Variants in EML5 observed in about 807,000 individuals in gnomAD.
EML5 encodes the protein EMAP like 5, also known as echinoderm microtubule-associated protein-like 5.
EML5 carries 120 observed loss-of-function variants against 250.0 expected under a neutral mutation model. The ratio of observed to expected loss-of-function variants is 0.48; its 90% CI spans 0.41 to 0.56. EML5 has a LOEUF of 0.56. Ranked by LOEUF, EML5 falls within the 20% of genes least tolerant of loss-of-function variation. The probability of loss-of-function intolerance (pLI) is 0.00; values close to 1 mark genes in which losing one functional copy is unlikely to be tolerated. For synonymous variants in EML5, 771 were observed against 806.5 expected (o/e 0.96, Z 0.75); for missense variants, 2,006 against 2,437.6 (o/e 0.82, Z 3.73).
Position 88,621,245 on chromosome 14 carries a change from A to G in EML5, c.5070T>C (p.Asn1690=). 1 of 1,613,888 alleles carries G rather than the reference A, an allele frequency of 6.2e-7. No individual in the cohort carries two copies. The highest frequency in any genetic ancestry group is 1.1e-5 in the South Asian group (1 of 91,084). Residue 1690 remains asparagine, a synonymous_variant, in exon 38 of 44, where the codon AAT becomes AAC. Transcript: ENST00000554922. ...NAEIIEVGEK[N]AACNILVNGH... is the part of the protein sequence containing the mutation. ...CGTTAACTAAAATATTACAAGCTGCATTTTTCTCTCCAACTTCGATTATTT... is the reference window on the plus strand; with the variant it reads ...CGTTAACTAAAATATTACAAGCTGCGTTTTTCTCTCCAACTTCGATTATTT...
intron 1 of EML5, among the ~76,000 whole-genome samples, chr14:88,774,348 G>T (rs182867906): frequency 4.1e-4 from 62 of 152,244 alleles, no homozygotes; most frequent in Admixed American, 8.5e-4. Context: ...AAGTAAAGCA[G>T]AAACTGCTGG....
intron 1 of EML5, among the ~76,000 whole-genome samples, chr14:88,760,304 TTTGAG>T (rs1387163950): frequency 1.3e-5 from 2 of 151,984 alleles, no homozygotes; most frequent in Non-Finnish European, 2.9e-5. Flanking sequence ...TACAATCTAT[TTTGAG>T]TTAATTTTTG....
rs1367492177 is a variant in EML5, at chr14:88,681,942, T to C, written c.3072A>G (p.Ile1024Met). 1 of 1,613,552 alleles carries C rather than the reference T, an allele frequency of 6.2e-7. No homozygotes were observed. The highest frequency in any genetic ancestry group is 8.5e-7 in the Non-Finnish European group (1 of 1,179,722). The change falls in exon 21 of 44, where the codon ATA becomes ATG. Residue 1024 changes from isoleucine to methionine, a missense_variant. This residue lies in a region of EML5 where 1,375 missense variants were observed against 1,590.3 expected (regional missense o/e 0.86). Coordinates refer to ENST00000554922, the MANE Select transcript of EML5 (RefSeq NM_183387.3). ...ATVSDDKTLR[I>M]WDLSPSHCML... ...TACAATGACTAGGTGAGAGATCCCA[T>C]ATTCTTAAGGTTTTATCATCGCTTA...
chr14:88,644,811 A>G (rs1457868560), intron 29 of EML5: 2 of 200,066 alleles, frequency 1.0e-5, no homozygotes, highest in Admixed American at 1.1e-4. Context: ...CCTGGATTCA[A>G]GCGATTCTCC....
At chr14:88,742,601 C>G (rs904945212) in intron 4 of EML5, among the ~76,000 whole-genome samples, 1 of 152,006 alleles carries the variant, frequency 6.6e-6, no homozygotes, top group Non-Finnish European at 1.5e-5. Flanking sequence ...AGTAAGATCT[C>G]CTTATTCATA....
chr14:88,704,868 A>G lies in EML5; in HGVS notation c.2043T>C (p.Phe681=), dbSNP rs769491754. ...AGATAGTTGTTTTATACCCGTGAAC[A>G]AAGTGTAATCGAATACTATTTCCTG... The part of the protein sequence containing the change: ...RAPGNSIRLH[F]VHGYRGYDCR... Residue 681 remains phenylalanine, a synonymous_variant, in exon 13 of 44, where the codon TTT becomes TTC. Coordinates refer to ENST00000554922, the MANE Select transcript of EML5 (RefSeq NM_183387.3). The G allele has an allele frequency of 1.9e-6, 3 of 1,611,802 alleles. No homozygotes were observed. In the African/African-American group the frequency reaches 4.0e-5, roughly 22 times the overall value.
At chr14:88,641,191 G>T (rs778195698) in intron 31 of EML5, among the ~76,000 whole-genome samples, 1 of 152,026 alleles carries the variant, frequency 6.6e-6, no homozygotes, top group Non-Finnish European at 1.5e-5. Flanking sequence ...ACAAAGAAAA[G>T]CTGGTGCCAA....
chr14:88,632,943 G>A (rs908310373), intron 33 of EML5, among the ~76,000 whole-genome samples: 1 of 152,184 alleles, frequency 6.6e-6, no homozygotes, highest in African/African-American at 2.4e-5. Context: ...TGGCATGAGG[G>A]TGTTGGAGAG....
rs143781118 is a variant in EML5 at position 88,672,354 on chromosome 14, A to G, written c.3125-6865T>C. Among the ~76,000 whole-genome samples, 460 of 152,302 alleles carry G rather than the reference A, an allele frequency of 3.0e-3. 3 individuals carry two copies. Among genetic ancestry groups the G allele is most frequent in the African/African-American group, 0.011 (446 of 41,558 alleles). ...AAGAAGTCCTTTGAAACCAATAAGA[A>G]CATGGAGACAAGATACCAGAATCTC... On this transcript the variant is annotated intron_variant, in intron 21 of 43. Coordinates refer to ENST00000554922, the MANE Select transcript of EML5 (RefSeq NM_183387.3).
chr14:88,674,348 T>G (rs897545658), intron 21 of EML5, among the ~76,000 whole-genome samples: 1 of 152,156 alleles, frequency 6.6e-6, no homozygotes, highest in Admixed American at 6.5e-5. Flanking sequence ...TGACTCACAG[T>G]TCTGTATTTC....
In EML5 at chr14:88,705,555, T is replaced by C; in HGVS notation, c.1859A>G (p.Asp620Gly). The C allele has an allele frequency of 6.2e-7, 1 of 1,600,194 alleles. No individual in the cohort carries two copies. Among genetic ancestry groups the C allele is most frequent in the Non-Finnish European group, 8.5e-7 (1 of 1,172,500 alleles). ...TTCTGGAACATCAGACAGATCTGAA[T>C]CTGATTCATCACTATGAGAGTCAGC... Reference protein sequence around the residue: ...SLADSHSDESDSDLSDVPELD... With the variant: ...SLADSHSDESGSDLSDVPELD... The change falls in exon 12 of 44, where the codon GAT becomes GGT. Residue 620 changes from aspartate to glycine, a missense_variant. This residue lies in a region of EML5 where 1,375 missense variants were observed against 1,590.3 expected (regional missense o/e 0.86). Transcript: ENST00000554922.
intron 31 of EML5, among the ~76,000 whole-genome samples, chr14:88,641,952 A>C (rs1162527168): frequency 6.6e-6 from 1 of 152,218 alleles, no homozygotes; most frequent in Non-Finnish European, 1.5e-5. Context: ...CTCGATTAAG[A>C]AGGATTTTTC....
At chr14:88,718,062 AAG>A (rs935181467) in intron 8 of EML5, among the ~76,000 whole-genome samples, 2 of 152,176 alleles carry the variant, frequency 1.3e-5, no homozygotes, top group African/African-American at 4.8e-5. Flanking sequence ...GTTCAGGAGA[AAG>A]AGGTATCAAG....
In EML5 at chr14:88,618,770, C is replaced by G; in HGVS notation, c.5418G>C (p.Glu1806Asp). The stretch of plus-strand genomic sequence containing the variant: ...TTAGGTCATAAAAATCCACTGAGTT[C>G]TCACTAGAACCTACTGCCAGATACC... ...DSRYLAVGSS[E>D]NSVDFYDLTL... The change falls in exon 40 of 44, where the codon GAG (glutamate) becomes GAC (aspartate). Residue 1806 changes from glutamate to aspartate, a missense_variant. Physicochemically the swap from Glu to Asp is conservative, Grantham distance 45 (BLOSUM62 2). Transcript: ENST00000554922. 1 of 1,600,008 alleles carries G rather than the reference C, an allele frequency of 6.2e-7. No individual in the cohort carries two copies. Among genetic ancestry groups the G allele is most frequent in the East Asian group, 2.2e-5 (1 of 44,656 alleles).
chr14:88,654,352 T>C (rs1419033293), intron 27 of EML5, among the ~76,000 whole-genome samples: 2 of 152,176 alleles, frequency 1.3e-5, no homozygotes, highest in African/African-American at 2.4e-5. Context: ...GCTTCTCTAG[T>C]TCTTTTAATT....
chr14:88,753,630 TA>T (rs2094126255), intron 2 of EML5, among the ~76,000 whole-genome samples: 1 of 152,168 alleles, frequency 6.6e-6, no homozygotes, highest in Non-Finnish European at 1.5e-5. Flanking sequence ...ACAATTTCCA[TA>T]AAAGCACCAC....
intron 9 of EML5, among the ~76,000 whole-genome samples, chr14:88,713,386 C>T (rs972627094): frequency 1.2e-4 from 11 of 88,044 alleles, no homozygotes; most frequent in African/African-American, 4.5e-4. Context: ...AGCGAAACTC[C>T]GTCTCAAAAA....
At chr14:88,783,859 C>A (rs1443405717) in intron 1 of EML5, among the ~76,000 whole-genome samples, 3 of 152,198 alleles carry the variant, frequency 2.0e-5, no homozygotes, top group Non-Finnish European at 2.9e-5. Context: ...ACAGAATGCA[C>A]ATTTTTTTCC....
At chr14:88,644,602 G>A (rs1290721714) in intron 29 of EML5, 91 bp from the exon 30 acceptor site, 2 of 1,164,098 alleles carry the variant, frequency 1.7e-6, no homozygotes, top group African/African-American at 3.0e-5. Flanking sequence ...GAGGTGTCTT[G>A]TCACACCTTC....
Sources: gnomAD v4.1 joint callset for allele counts (sites outside exome capture counted in the v4.1 genomes callset) on GRCh38, gnomAD v4.1.1 for gene constraint, gnomAD v4.1.1 regional missense constraint, MANE v1.5 for transcripts, NCBI Gene and HGNC (gene_info 2026-07-23, HGNC 2026-07-21) for gene names.